COL26A1: variants seen among roughly 807,000 people sequenced by gnomAD.
COL26A1 encodes collagen type XXVI alpha 1 chain, also known as collagen alpha-1(XXVI) chain.
A neutral mutation model predicts 59.3 loss-of-function variants in COL26A1; 41 were observed. The observed-to-expected ratio is 0.69, with a 90% CI of 0.54 to 0.90. The LOEUF (loss-of-function observed/expected upper bound fraction) is 0.90, where lower values mean the gene tolerates loss of function less well. COL26A1 is among the 40% of genes least tolerant of loss of function. The probability of loss-of-function intolerance (pLI) is 0.00; values close to 1 mark genes in which losing one functional copy is unlikely to be tolerated. For missense variants in COL26A1, 612 were observed against 602.3 expected (o/e 1.02, Z -0.17); for synonymous variants, 266 against 256.0 (o/e 1.04, Z -0.37).
intron 3 of COL26A1, among the ~76,000 whole-genome samples, chr7:101,468,283 CAG>C (rs1203992321): frequency 1.3e-5 from 2 of 150,292 alleles, no homozygotes; most frequent in Non-Finnish European, 3.0e-5. Context: ...GCCTGGGCAA[CAG>C]AGCAAGACTC....
At chr7:101,486,333 C>G (rs1339523634) in intron 3 of COL26A1, among the ~76,000 whole-genome samples, 2 of 152,248 alleles carry the variant, frequency 1.3e-5, no homozygotes, top group Non-Finnish European at 2.9e-5. Context: ...TCCCCCCCAA[C>G]CCCACAGCCT....
At chr7:101,504,982 C>T (rs932752072) in intron 3 of COL26A1, among the ~76,000 whole-genome samples, 1 of 152,168 alleles carries the variant, frequency 6.6e-6, no homozygotes, top group East Asian at 1.9e-4. Flanking sequence ...GGTGAGACCC[C>T]ATCTCTACTA....
intron 1 of COL26A1, among the ~76,000 whole-genome samples, chr7:101,364,569 TTTC>T (rs1225914976): frequency 3.4e-5 from 1 of 29,800 alleles, no homozygotes; most frequent in East Asian, 1.8e-3. Flanking sequence ...TTGTGCTTTC[TTTC>T]TTTTTTTTTT....
intron 1 of COL26A1, among the ~76,000 whole-genome samples, chr7:101,365,923 T>C (rs775159225): frequency 1.3e-5 from 2 of 151,870 alleles, no homozygotes; most frequent in Non-Finnish European, 2.9e-5. Context: ...TGGCATTTGG[T>C]GGGTTGGAAC....
chr7:101,452,773 A>AT lies in COL26A1; in HGVS notation c.385+4997dup, dbSNP rs935820279. Among the ~76,000 whole-genome samples the AT allele has an allele frequency of 2.5e-4, 37 of 148,542 alleles. 1 individual carries two copies. Among genetic ancestry groups the AT allele is most frequent in the South Asian group, 4.3e-4 (2 of 4,686 alleles). On this transcript the variant is annotated intron_variant, in intron 3 of 12. Coordinates refer to ENST00000313669, the MANE Select transcript of COL26A1 (RefSeq NM_001278563.3). ...AATATATTATTATTATTATTTATTA[A>AT]TTTTTTTTTTTGAGATGGAGTCTGT... is the stretch of plus-strand genomic sequence containing the variant.
intron 3 of COL26A1, among the ~76,000 whole-genome samples, chr7:101,449,362 T>A (rs551348111): frequency 2.0e-5 from 3 of 152,268 alleles, no homozygotes; most frequent in African/African-American, 4.8e-5. Flanking sequence ...CCCAACGGGA[T>A]GGAGCAGGCC....
chr7:101,509,275 T>A (rs10245282), intron 3 of COL26A1, among the ~76,000 whole-genome samples: 1 of 151,368 alleles, frequency 6.6e-6, no homozygotes, highest in African/African-American at 2.4e-5. Context: ...TGAAACCCAC[T>A]TCTCTACTAA....
At chr7:101,502,730 C>T (rs867648345) in intron 3 of COL26A1, among the ~76,000 whole-genome samples, 3 of 152,204 alleles carry the variant, frequency 2.0e-5, no homozygotes, top group South Asian at 2.1e-4. Flanking sequence ...GTGGGTGGCT[C>T]AGCCCATGGG....
At chr7:101,363,747 G>C (rs1283991984) in intron 1 of COL26A1, among the ~76,000 whole-genome samples, 1 of 151,972 alleles carries the variant, frequency 6.6e-6, no homozygotes, top group Non-Finnish European at 1.5e-5. Context: ...CGGGCTCCGA[G>C]TAGAGGTGGT....
intron 1 of COL26A1, among the ~76,000 whole-genome samples, chr7:101,419,280 T>A (rs1792453206): frequency 6.6e-6 from 1 of 151,954 alleles, no homozygotes; most frequent in African/African-American, 2.4e-5. Context: ...GCTAATTTTT[T>A]AATTTTTATT....
chr7:101,367,561 A>G (rs1791076614), intron 1 of COL26A1, among the ~76,000 whole-genome samples: 1 of 151,564 alleles, frequency 6.6e-6, no homozygotes, highest in Non-Finnish European at 1.5e-5. Context: ...GCTACTTGGG[A>G]GGCTGAGGCA....
At chr7:101,509,318 C>T (rs192415621) in intron 3 of COL26A1, among the ~76,000 whole-genome samples, 32 of 151,822 alleles carry the variant, frequency 2.1e-4, no homozygotes, top group Non-Finnish European at 3.5e-4. Flanking sequence ...TGGTAGCAGG[C>T]GCCTGTAATC....
At chr7:101,394,052 A>G (rs1019436582) in intron 1 of COL26A1, among the ~76,000 whole-genome samples, 4 of 151,992 alleles carry the variant, frequency 2.6e-5, no homozygotes, top group African/African-American at 9.7e-5. Context: ...TGCTGGGATT[A>G]TAGGCATGAG....
rs557794856 is a variant in COL26A1 at position 101,417,880 on chromosome 7, C to G, written c.159-2097C>G. 1.5e-4 allele frequency among the ~76,000 whole-genome samples: 23 copies of G among 151,960 alleles called. No homozygotes were observed. The East Asian group carries it at 4.1e-3, about 27-fold the overall frequency. ...GGGTCTACAGGTGTGTGCCACCAAG[C>G]CTGGCTATTTGTTTTTGCATTTTTA... On this transcript the variant is annotated intron_variant, in intron 1 of 12. Coordinates refer to ENST00000313669, the MANE Select transcript of COL26A1 (RefSeq NM_001278563.3).
At chr7:101,515,466 T>C (rs970498157) in intron 3 of COL26A1, among the ~76,000 whole-genome samples, 72 of 152,064 alleles carry the variant, frequency 4.7e-4, no homozygotes, top group Non-Finnish European at 9.4e-4. Context: ...GTATTTTTAG[T>C]AGAGACAGGG....
chr7:101,431,893 G>A (rs1261606053), intron 2 of COL26A1, among the ~76,000 whole-genome samples: 1 of 151,802 alleles, frequency 6.6e-6, no homozygotes, highest in Non-Finnish European at 1.5e-5. Context: ...CTGAGCTCAA[G>A]CAATCCTCCT....
At chr7:101,481,447 AATATAT>A (rs60951062) in intron 3 of COL26A1, among the ~76,000 whole-genome samples, 3 of 143,474 alleles carry the variant, frequency 2.1e-5, no homozygotes, top group Non-Finnish European at 3.0e-5. Flanking sequence ...AATCTCCCAA[AATATAT>A]ATATATATAT....
At position 101,363,042 on chromosome 7, in the gene COL26A1, G is replaced by T; in HGVS notation, c.10G>T (p.Ala4Ser). The T allele has an allele frequency of 1.3e-6, 2 of 1,579,904 alleles. No individual in the cohort carries two copies. The highest frequency in any genetic ancestry group is 2.3e-5 in the East Asian group (1 of 43,088). Reference sequence around the variant, plus strand: ...CGGGCTGCTGCGCACGATGAAGCTGGCCCTGCTCCTGCCCTGGGCGTGTTG... The same window carrying T: ...CGGGCTGCTGCGCACGATGAAGCTGTCCCTGCTCCTGCCCTGGGCGTGTTG... MKL[A>S]LLLPWACCCL... The change falls in exon 1 of 13, where the codon GCC becomes TCC. Residue 4 changes from alanine (A) to serine (S), a missense_variant. Coordinates refer to ENST00000313669, the MANE Select transcript of COL26A1 (RefSeq NM_001278563.3).
intron 3 of COL26A1, among the ~76,000 whole-genome samples, chr7:101,494,324 A>G (rs1367719724): frequency 6.6e-6 from 1 of 152,014 alleles, no homozygotes. Flanking sequence ...ATAGGGTTTC[A>G]CCATGTTGAC....
Sources: allele counts gnomAD v4.1 joint callset (sites outside exome capture counted in the v4.1 genomes callset), GRCh38; gene constraint gnomAD v4.1.1; transcripts MANE v1.5; gene names NCBI Gene and HGNC (gene_info 2026-07-23, HGNC 2026-07-21).